The following TP63 variants were observed in gnomAD, a reference collection of about 807,000 sequenced individuals.
TP63 encodes tumor protein p63.
Under a neutral mutation model 82.8 loss-of-function variants are expected in TP63, and 17 were observed. The ratio of observed to expected loss-of-function variants is 0.21; its 90% CI spans 0.14 to 0.31. The LOEUF (loss-of-function observed/expected upper bound fraction) is 0.31, where lower values mean the gene tolerates loss of function less well. Among genes scored for constraint, TP63 ranks in the 10% least tolerant of loss-of-function variants. TP63 has a pLI of 1.00. For synonymous variants in TP63, 330 were observed against 321.7 expected, an observed-to-expected ratio of 1.03 and a Z score of -0.28; for missense variants, 648 against 895.3, an observed-to-expected ratio of 0.72 and a Z score of 3.52.
At chr3:189,870,764 G>A (rs1718322861) in intron 9 of TP63, among the ~76,000 whole-genome samples, 3 of 152,240 alleles carry the variant, frequency 2.0e-5, no homozygotes, top group Admixed American at 6.5e-5. Context: ...TGGCAATGAC[G>A]TTTTGGTGGC....
intron 1 of TP63, among the ~76,000 whole-genome samples, chr3:189,658,719 G>A (rs764015055): frequency 2.6e-5 from 4 of 152,004 alleles, no homozygotes; most frequent in African/African-American, 4.8e-5. Flanking sequence ...AAAAACTGTT[G>A]TAACTAAGAG....
At chr3:189,892,746 C>A (rs1462392484) in intron 13 of TP63, among the ~76,000 whole-genome samples, 2 of 152,120 alleles carry the variant, frequency 1.3e-5, no homozygotes, top group East Asian at 3.9e-4. Context: ...GAGCCGAGAT[C>A]ACGCCACTGC....
intron 3 of TP63, among the ~76,000 whole-genome samples, chr3:189,802,557 C>G (rs1313178039): frequency 6.6e-6 from 1 of 152,212 alleles, no homozygotes; most frequent in Admixed American, 6.5e-5. Context: ...CAATTTTACA[C>G]AGACTTTGGA....
chr3:189,799,497 T>G (rs775386831), intron 3 of TP63, among the ~76,000 whole-genome samples: 7 of 152,120 alleles, frequency 4.6e-5, no homozygotes, highest in Non-Finnish European at 7.4e-5. Flanking sequence ...AAACAAAACC[T>G]AGACCATCAG....
chr3:189,690,211 A>G (rs1268299235), intron 1 of TP63, among the ~76,000 whole-genome samples: 2 of 152,152 alleles, frequency 1.3e-5, no homozygotes, highest in Admixed American at 6.5e-5. Context: ...GGTGGGAAAA[A>G]TCATCTACAA....
At chr3:189,683,627 A>G (rs955728889) in intron 1 of TP63, among the ~76,000 whole-genome samples, 1 of 152,188 alleles carries the variant, frequency 6.6e-6, no homozygotes, top group Non-Finnish European at 1.5e-5. Context: ...CCCCTATCAT[A>G]TTTAGCATAT....
At chr3:189,850,603 G>A (rs1437272138) in intron 4 of TP63, among the ~76,000 whole-genome samples, 5 of 152,172 alleles carry the variant, frequency 3.3e-5, no homozygotes, top group African/African-American at 4.8e-5. Context: ...GGGAGGGATA[G>A]CGTTAGGAGA....
upstream of TP63, among the ~76,000 whole-genome samples, chr3:189,627,306 A>C (rs966043125): frequency 6.6e-6 from 1 of 152,190 alleles, no homozygotes; most frequent in African/African-American, 2.4e-5. Context: ...TTTCATTCTT[A>C]ATAGCTAAAC....
chr3:189,658,995 C>T (rs1713640280), intron 1 of TP63, among the ~76,000 whole-genome samples: 1 of 152,084 alleles, frequency 6.6e-6, no homozygotes, highest in South Asian at 2.1e-4. Context: ...ACTGTCCTAT[C>T]TTTCAATTGT....
chr3:189,625,880 G>T, the TP63 span, among the ~76,000 whole-genome samples: 5 of 152,130 alleles, frequency 3.3e-5, no homozygotes, highest in African/African-American at 4.8e-5. Context: ...ACTTTGGAGG[G>T]TATCAGGTTT....
the TP63 span, among the ~76,000 whole-genome samples, chr3:189,598,732 C>T: frequency 3.3e-5 from 5 of 152,210 alleles, no homozygotes; most frequent in African/African-American, 1.2e-4. Context: ...AGAGTGTTGG[C>T]GCAGCCTGGC....
chr3:189,868,290 A>G (rs1421966682), intron 7 of TP63, among the ~76,000 whole-genome samples: 1 of 152,176 alleles, frequency 6.6e-6, no homozygotes, highest in Non-Finnish European at 1.5e-5. Flanking sequence ...TGAGACATCC[A>G]CTGGCTTAAC....
chr3:189,738,566 T>C, intron 2 of TP63, 76 bp from the exon 3 acceptor site: 1 of 1,605,598 alleles, frequency 6.2e-7, no homozygotes, highest in Admixed American at 1.7e-5. Context: ...CAGAAAATGC[T>C]TGTTGTTAAC....
intron 1 of TP63, among the ~76,000 whole-genome samples, chr3:189,631,822 A>G (rs1207637671): frequency 2.0e-5 from 3 of 152,136 alleles, no homozygotes; most frequent in Non-Finnish European, 4.4e-5. Context: ...AAAAATTATC[A>G]CGCCATTTAA....
chr3:189,769,089 A>T (rs1723151797), intron 3 of TP63, among the ~76,000 whole-genome samples: 3 of 152,192 alleles, frequency 2.0e-5, no homozygotes, highest in Admixed American at 2.0e-4. Flanking sequence ...TCATAGGCTG[A>T]TGTGAGAATT....
intron 4 of TP63, among the ~76,000 whole-genome samples, chr3:189,826,940 C>T (rs1013666663): frequency 3.3e-5 from 5 of 152,180 alleles, no homozygotes; most frequent in African/African-American, 1.2e-4. Flanking sequence ...TATAACTCCA[C>T]AGTTGACTAG....
At chr3:189,642,841 G>A (rs909211343) in intron 1 of TP63, among the ~76,000 whole-genome samples, 2 of 151,420 alleles carry the variant, frequency 1.3e-5, no homozygotes, top group African/African-American at 4.8e-5. Context: ...ATATAGAAAT[G>A]ATTTTAAAGC....
chr3:189,757,792 G>C (rs186847221), intron 3 of TP63, among the ~76,000 whole-genome samples: 261 of 152,252 alleles, frequency 1.7e-3, no homozygotes, highest in African/African-American at 6.1e-3. Context: ...TCAGGCAGTT[G>C]TTACACTATT....
the TP63 span, among the ~76,000 whole-genome samples, chr3:189,603,979 T>A: frequency 1.3e-5 from 2 of 152,124 alleles, no homozygotes; most frequent in Non-Finnish European, 2.9e-5. Context: ...ATAATTTTAA[T>A]GAGACAATCT....
Sources: allele counts gnomAD v4.1 joint callset (sites outside exome capture counted in the v4.1 genomes callset), GRCh38; gene constraint gnomAD v4.1.1; transcripts MANE v1.5; gene names NCBI Gene and HGNC (gene_info 2026-07-23, HGNC 2026-07-21).